Variants in MDGA2 observed in about 807,000 individuals in gnomAD.
MDGA2 encodes the protein MAM domain-containing glycosylphosphatidylinositol anchor protein 2.
MDGA2 carries 40 observed loss-of-function variants against 117.8 expected under a neutral mutation model. The ratio of observed to expected loss-of-function variants is 0.34; its 90% CI spans 0.26 to 0.44. The LOEUF (loss-of-function observed/expected upper bound fraction) is 0.44. Among genes scored for constraint, MDGA2 ranks in the 20% least tolerant of loss-of-function variants. The probability of loss-of-function intolerance (pLI) is 1.00; values close to 1 mark genes in which losing one functional copy is unlikely to be tolerated. For synonymous variants in MDGA2, 452 were observed against 439.0 expected (o/e 1.03, Z -0.37); for missense variants, 1,123 against 1,250.6 (o/e 0.90, Z 1.54).
chr14:46,862,967 G>C (rs1369323572), intron 14 of MDGA2, among the ~76,000 whole-genome samples: 1 of 152,138 alleles, frequency 6.6e-6, no homozygotes, highest in Admixed American at 6.6e-5. Flanking sequence ...TGGTGCACAG[G>C]TGAATTTGTA....
At chr14:47,305,325 T>G (rs1594784807) in intron 1 of MDGA2, 1 of 152,290 alleles carries the variant, frequency 6.6e-6, no homozygotes, top group Admixed American at 6.5e-5. Flanking sequence ...TCCTTTGCCC[T>G]GTAGAGTCAG....
intron 2 of MDGA2, among the ~76,000 whole-genome samples, chr14:47,295,951 T>C (rs1040217236): frequency 1.1e-4 from 16 of 150,766 alleles, no homozygotes; most frequent in Admixed American, 9.9e-4. Context: ...GATAGATAGA[T>C]AGATAGATAG....
Position 47,172,485 on chromosome 14 carries a change from G to A in MDGA2, c.596-28211C>T, listed in dbSNP as rs555520256. On this transcript the variant is annotated intron_variant, in intron 3 of 16. Coordinates refer to ENST00000399232, the MANE Select transcript of MDGA2 (RefSeq NM_001113498.3). Reference sequence around the variant, plus strand: ...GAACGATCAGAGAGCAGCATTCGCGGTTCACGAAAATCTGCTGTTCTGCAG... The same window carrying A: ...GAACGATCAGAGAGCAGCATTCGCGATTCACGAAAATCTGCTGTTCTGCAG... Among the ~76,000 whole-genome samples, 5 of 152,230 alleles carry A rather than the reference G, an allele frequency of 3.3e-5. 1 individual carries two copies. The highest frequency in any genetic ancestry group is 1.2e-4 in the African/African-American group (5 of 41,550).
chr14:47,247,259 AT>A (rs1887272374), intron 2 of MDGA2, among the ~76,000 whole-genome samples: 1 of 151,654 alleles, frequency 6.6e-6, no homozygotes, highest in African/African-American at 2.4e-5. Flanking sequence ...GGAGACAGAA[AT>A]AAAATAAATA....
chr14:47,356,554 T>C (rs2138359599), intron 1 of MDGA2, among the ~76,000 whole-genome samples: 1 of 152,220 alleles, frequency 6.6e-6, no homozygotes, highest in East Asian at 1.9e-4. Context: ...TTGCTTACCC[T>C]TTGCAGGGGA....
chr14:47,016,068 T>C (rs1487650152), intron 8 of MDGA2, among the ~76,000 whole-genome samples: 4 of 152,076 alleles, frequency 2.6e-5, no homozygotes, highest in South Asian at 2.1e-4. Flanking sequence ...GGCAAAAATA[T>C]ATTTAAAAAT....
At chr14:46,921,566 C>A (rs1420251811) in intron 9 of MDGA2, among the ~76,000 whole-genome samples, 1 of 150,084 alleles carries the variant, frequency 6.7e-6, no homozygotes, top group South Asian at 2.1e-4. Flanking sequence ...TTGCAGTGAG[C>A]CAAGATTGTG....
At chr14:47,315,446 G>C (rs988080676) in intron 1 of MDGA2, among the ~76,000 whole-genome samples, 3 of 152,100 alleles carry the variant, frequency 2.0e-5, no homozygotes, top group Non-Finnish European at 4.4e-5. Context: ...TACTGTAAGT[G>C]ACTTTCTTGG....
rs1388407620 is a variant in MDGA2, at chr14:47,531,188, T to C, written c.280+143329A>G. Among the ~76,000 whole-genome samples the C allele has an allele frequency of 2.6e-5, 4 of 152,134 alleles. No homozygotes were observed. In the East Asian group the frequency reaches 7.7e-4, roughly 29 times the overall value. On this transcript the variant is annotated intron_variant, in intron 1 of 16. Transcript: ENST00000399232. ...TGAACCCAGGAGGCAGAGCTTGCAG[T>C]GAGCCAAGATCATGCCACTGCACTC... is the stretch of plus-strand genomic sequence containing the variant.
intron 8 of MDGA2, among the ~76,000 whole-genome samples, chr14:46,989,259 T>C (rs967926100): frequency 6.6e-6 from 1 of 151,764 alleles, no homozygotes; most frequent in East Asian, 1.9e-4. Flanking sequence ...TAGGAATACT[T>C]GCAAGATAGT....
At chr14:47,166,054 T>TA (rs1214179012) in intron 3 of MDGA2, among the ~76,000 whole-genome samples, 3 of 128,372 alleles carry the variant, frequency 2.3e-5, no homozygotes, top group Non-Finnish European at 3.3e-5. Flanking sequence ...TTTTTTTTTT[T>TA]AGACAGAGTC....
intron 8 of MDGA2, among the ~76,000 whole-genome samples, chr14:47,034,533 A>G (rs1416606038): frequency 6.6e-6 from 1 of 152,162 alleles, no homozygotes; most frequent in Admixed American, 6.6e-5. Context: ...TTAGATCTCC[A>G]TAATTTAAGC....
chr14:47,374,158 T>A (rs1380269509), intron 1 of MDGA2, among the ~76,000 whole-genome samples: 1 of 152,140 alleles, frequency 6.6e-6, no homozygotes, highest in Non-Finnish European at 1.5e-5. Flanking sequence ...TCTTTAATGT[T>A]ATGACTATGT....
intron 1 of MDGA2, among the ~76,000 whole-genome samples, chr14:47,537,837 C>T (rs1206033344): frequency 6.6e-6 from 1 of 152,106 alleles, no homozygotes; most frequent in Non-Finnish European, 1.5e-5. Flanking sequence ...AGGATTTCCA[C>T]ATATTCCTTA....
At chr14:47,537,116 G>C (rs1179528585) in intron 1 of MDGA2, among the ~76,000 whole-genome samples, 2 of 152,062 alleles carry the variant, frequency 1.3e-5, no homozygotes, top group African/African-American at 4.8e-5. Flanking sequence ...AAAAATTTGA[G>C]AACTGTAGCA....
chr14:47,531,149 G>T lies in MDGA2; in HGVS notation c.280+143368C>A, dbSNP rs575802098. Among the ~76,000 whole-genome samples, 414 of 152,264 alleles carry T rather than the reference G, an allele frequency of 2.7e-3. 2 individuals are homozygous for T. The highest frequency in any genetic ancestry group is 9.7e-3 in the African/African-American group (402 of 41,548). ...AGTCCCAGCTACTCGGGAGGCTGAGGCAGGAGAATGGCGTGAACCCAGGAG... is the reference window on the plus strand; with the variant it reads ...AGTCCCAGCTACTCGGGAGGCTGAGTCAGGAGAATGGCGTGAACCCAGGAG... On this transcript the variant is annotated intron_variant, in intron 1 of 16. Coordinates refer to ENST00000399232, the MANE Select transcript of MDGA2 (RefSeq NM_001113498.3).
intron 3 of MDGA2, among the ~76,000 whole-genome samples, chr14:47,151,177 A>G (rs1883149602): frequency 6.6e-6 from 1 of 152,220 alleles, no homozygotes; most frequent in Non-Finnish European, 1.5e-5. Context: ...GGGATTAGGC[A>G]GTGGAATGAG....
intron 1 of MDGA2, among the ~76,000 whole-genome samples, chr14:47,392,777 G>T (rs1891925783): frequency 6.6e-6 from 1 of 151,854 alleles, no homozygotes; most frequent in Non-Finnish European, 1.5e-5. Flanking sequence ...AAAAAATAAA[G>T]AAAAAATATC....
At chr14:46,919,171 C>A (rs182244642) in intron 10 of MDGA2, among the ~76,000 whole-genome samples, 1 of 152,100 alleles carries the variant, frequency 6.6e-6, no homozygotes, top group East Asian at 1.9e-4. Flanking sequence ...CAGTCTTACT[C>A]GATGAAAATT....
Sources: allele counts gnomAD v4.1 joint callset (sites outside exome capture counted in the v4.1 genomes callset), GRCh38; gene constraint gnomAD v4.1.1; transcripts MANE v1.5; gene names NCBI Gene and HGNC (gene_info 2026-07-23, HGNC 2026-07-21).